CDH13: variants seen among roughly 807,000 people sequenced by gnomAD.
CDH13 encodes the protein cadherin-13.
CDH13 carries 24 observed loss-of-function variants against 63.8 expected under a neutral mutation model. That is an observed-to-expected ratio of 0.38 (90% CI 0.27 to 0.53). The LOEUF is 0.53. Ranked by LOEUF, CDH13 falls within the 20% of genes least tolerant of loss-of-function variation. CDH13 has a pLI of 0.85. For synonymous variants in CDH13, 503 were observed against 355.3 expected, an observed-to-expected ratio of 1.42 and a Z score of -4.67; for missense variants, 1,049 against 903.1, an observed-to-expected ratio of 1.16 and a Z score of -2.07.
At chr16:82,941,087 T>G (rs570477655) in intron 2 of CDH13, among the ~76,000 whole-genome samples, 13 of 152,252 alleles carry the variant, frequency 8.5e-5, no homozygotes, top group African/African-American at 2.9e-4. Context: ...AAGACACCAG[T>G]AAAATGAGAG....
chr16:82,866,767 C>T (rs982694314), intron 2 of CDH13, among the ~76,000 whole-genome samples: 5 of 152,046 alleles, frequency 3.3e-5, no homozygotes, highest in South Asian at 2.1e-4. Flanking sequence ...GCACCTTCTT[C>T]ACAAGGAGGC....
intron 10 of CDH13, chr16:83,710,050 G>C (rs955275432): frequency 1.3e-5 from 2 of 152,240 alleles, no homozygotes; most frequent in African/African-American, 2.4e-5. Context: ...ACATTTGTCA[G>C]TGTCTAGAAC....
At chr16:83,154,847 T>C (rs767671737) in intron 4 of CDH13, among the ~76,000 whole-genome samples, 17 of 152,310 alleles carry the variant, frequency 1.1e-4, no homozygotes, top group South Asian at 4.1e-4. Context: ...ATGATGTTAT[T>C]TCAACCGGTT....
intron 7 of CDH13, among the ~76,000 whole-genome samples, chr16:83,558,598 A>C (rs2075645681): frequency 2.0e-5 from 3 of 152,208 alleles, no homozygotes; most frequent in Admixed American, 2.0e-4. Context: ...ATGCATCTGC[A>C]TCTACATGTA....
At chr16:83,180,837 T>C (rs1342447087) in intron 4 of CDH13, 3 of 1,452,944 alleles carry the variant, frequency 2.1e-6, no homozygotes, top group Non-Finnish European at 2.8e-6. Context: ...TAATCCCCAA[T>C]TTACAACAAA....
chr16:83,752,347 G>C (rs767458079), intron 11 of CDH13, among the ~76,000 whole-genome samples: 1 of 152,208 alleles, frequency 6.6e-6, no homozygotes, highest in Non-Finnish European at 1.5e-5. Flanking sequence ...GACACTGTGT[G>C]CGTATATACC....
Position 83,395,988 on chromosome 16 carries a change from C to G in CDH13, c.781+50982C>G, listed in dbSNP as rs558212101. Reference sequence around the variant, plus strand: ...CCCTCCTGGTGTGTGTTGTTCCCCTCTATATGTCCACGTGTTCTCATCATT... The same window carrying G: ...CCCTCCTGGTGTGTGTTGTTCCCCTGTATATGTCCACGTGTTCTCATCATT... On this transcript the variant is annotated intron_variant, in intron 6 of 13. Transcript: ENST00000567109. 3.2e-4 allele frequency among the ~76,000 whole-genome samples: 48 copies of G among 152,260 alleles called. No individual in the cohort carries two copies. The South Asian group carries it at 1.0e-2, about 32-fold the overall frequency.
At chr16:83,453,815 TC>T (rs2072949238) in intron 6 of CDH13, among the ~76,000 whole-genome samples, 1 of 152,166 alleles carries the variant, frequency 6.6e-6, no homozygotes, top group African/African-American at 2.4e-5. Context: ...GTTCACAGCC[TC>T]CCCAAATCAG....
intron 3 of CDH13, among the ~76,000 whole-genome samples, chr16:83,034,638 G>A (rs1409125685): frequency 6.6e-6 from 1 of 152,188 alleles, no homozygotes; most frequent in Admixed American, 6.5e-5. Flanking sequence ...GGGCTTGAAT[G>A]CATTTAGATG....
At chr16:83,448,248 T>C (rs2072770863) in intron 6 of CDH13, among the ~76,000 whole-genome samples, 1 of 151,890 alleles carries the variant, frequency 6.6e-6, no homozygotes, top group African/African-American at 2.4e-5. Context: ...TGTAAAGAAA[T>C]CAGTAAGGAG....
chr16:83,624,275 G>A (rs1910071394), intron 8 of CDH13, among the ~76,000 whole-genome samples: 1 of 151,876 alleles, frequency 6.6e-6, no homozygotes, highest in Non-Finnish European at 1.5e-5. Flanking sequence ...AAGACTTTTG[G>A]TCTCTCTGGG....
intron 5 of CDH13, among the ~76,000 whole-genome samples, chr16:83,256,882 CCT>C (rs1198629301): frequency 1.3e-5 from 2 of 151,252 alleles, no homozygotes; most frequent in African/African-American, 2.4e-5. Flanking sequence ...TTCCCAGGCC[CCT>C]GTTAGACTTC....
chr16:82,641,129 G>T (rs1351223956), intron 1 of CDH13, among the ~76,000 whole-genome samples: 1 of 152,176 alleles, frequency 6.6e-6, no homozygotes, highest in East Asian at 1.9e-4. Flanking sequence ...CTCTACAAAA[G>T]CACTGTGTAA....
chr16:83,088,246 G>T (rs937222179), intron 3 of CDH13, among the ~76,000 whole-genome samples: 15 of 152,272 alleles, frequency 9.9e-5, no homozygotes, highest in African/African-American at 3.6e-4. Flanking sequence ...TCCTTATGCT[G>T]AGGGTGTCTT....
At chr16:82,796,197 G>A (rs1246936749) in intron 1 of CDH13, among the ~76,000 whole-genome samples, 1 of 152,074 alleles carries the variant, frequency 6.6e-6, no homozygotes, top group Non-Finnish European at 1.5e-5. Context: ...AAAGCTGGGT[G>A]AACTCAATTG....
At chr16:83,663,177 T>C (rs1224761340) in intron 8 of CDH13, among the ~76,000 whole-genome samples, 2 of 152,066 alleles carry the variant, frequency 1.3e-5, no homozygotes, top group Non-Finnish European at 2.9e-5. Flanking sequence ...TACCCCGGAG[T>C]CAGGTAATCA....
At chr16:83,778,280 A>C (rs781058416) in intron 11 of CDH13, among the ~76,000 whole-genome samples, 21 of 152,230 alleles carry the variant, frequency 1.4e-4, no homozygotes, top group Admixed American at 2.0e-4. Context: ...CTGTAATCCC[A>C]ACACATTGGG....
chr16:83,674,648 A>T (rs1310016126), intron 9 of CDH13, among the ~76,000 whole-genome samples: 2 of 152,216 alleles, frequency 1.3e-5, no homozygotes, highest in Non-Finnish European at 2.9e-5. Flanking sequence ...GCAATCCAAC[A>T]TACAGAAGAA....
chr16:83,792,189 C>T (rs1916318815), intron 13 of CDH13, among the ~76,000 whole-genome samples: 1 of 152,232 alleles, frequency 6.6e-6, no homozygotes, highest in South Asian at 2.1e-4. Context: ...CAGACGGCCG[C>T]GGTCATGCTT....
Sources: gnomAD v4.1 joint callset for allele counts (sites outside exome capture counted in the v4.1 genomes callset) on GRCh38, gnomAD v4.1.1 for gene constraint, MANE v1.5 for transcripts, NCBI Gene and HGNC (gene_info 2026-07-23, HGNC 2026-07-21) for gene names.